The following CATSPERB variants were observed in gnomAD, a reference collection of about 807,000 sequenced individuals.
CATSPERB encodes catsper channel auxiliary subunit beta.
CATSPERB carries 93 observed loss-of-function variants against 128.3 expected under a neutral mutation model. The ratio of observed to expected loss-of-function variants is 0.72; its 90% CI spans 0.61 to 0.86. The LOEUF (loss-of-function observed/expected upper bound fraction) is 0.86. CATSPERB is among the 40% of genes least tolerant of loss of function. The probability of loss-of-function intolerance (pLI) is 0.00; values close to 1 mark genes in which losing one functional copy is unlikely to be tolerated. For missense variants in CATSPERB, 1,153 were observed against 1,329.5 expected, an observed-to-expected ratio of 0.87 and a Z score of 2.06; for synonymous variants, 381 against 448.8, an observed-to-expected ratio of 0.85 and a Z score of 1.91.
At chr14:91,663,077 T>G (rs2139823476) in intron 14 of CATSPERB, among the ~76,000 whole-genome samples, 1 of 152,198 alleles carries the variant, frequency 6.6e-6, no homozygotes, top group Middle Eastern at 3.4e-3. Flanking sequence ...TCCTCCTCCC[T>G]CCTCCACCTC....
rs111933652 is a variant in CATSPERB at position 91,718,710 on chromosome 14, C to T, written c.370+708G>A. On this transcript the variant is annotated intron_variant, in intron 5 of 26. Coordinates refer to ENST00000256343, the MANE Select transcript of CATSPERB (RefSeq NM_024764.4). ...ACAGACAAACAGGGTGAAAGTATTC[C>T]CTCAGTTCTTGATGGTTTTCCATTT... Among the ~76,000 whole-genome samples, 741 of 152,204 alleles carry T rather than the reference C, an allele frequency of 4.9e-3. 7 individuals are homozygous for T. Among genetic ancestry groups the T allele is most frequent in the African/African-American group, 0.017 (700 of 41,520 alleles).
At chr14:91,691,347 A>G (rs374236400) in intron 10 of CATSPERB, among the ~76,000 whole-genome samples, 176 bp downstream of exon 10, 1 of 152,160 alleles carries the variant, frequency 6.6e-6, no homozygotes, top group African/African-American at 2.4e-5. Flanking sequence ...GAATATATGT[A>G]TAAATAATAT....
intron 7 of CATSPERB, among the ~76,000 whole-genome samples, chr14:91,698,117 G>A (rs991691716): frequency 1.3e-5 from 2 of 152,050 alleles, no homozygotes. Context: ...GTATTCCTAG[G>A]GGTGTGTGTG....
At chr14:91,615,533 G>A (rs1046432203) in intron 20 of CATSPERB, among the ~76,000 whole-genome samples, 9 of 152,242 alleles carry the variant, frequency 5.9e-5, no homozygotes, top group Middle Eastern at 6.8e-3. Flanking sequence ...ACATACAACC[G>A]AGGATGTGTG....
At chr14:91,716,328 C>T (rs374006366) in intron 5 of CATSPERB, among the ~76,000 whole-genome samples, 9 of 152,320 alleles carry the variant, frequency 5.9e-5, no homozygotes, top group African/African-American at 1.4e-4. Flanking sequence ...CGGTGGCTCA[C>T]GCCTGTAATC....
intron 4 of CATSPERB, 93 bp from the exon 5 acceptor site, chr14:91,719,571 A>T (rs948508457): frequency 8.5e-6 from 8 of 939,128 alleles, no homozygotes; most frequent in Non-Finnish European, 1.3e-5. Flanking sequence ...GAATTAAACA[A>T]AAACATCCAA....
At chr14:91,693,716 G>C (rs956749804) in intron 7 of CATSPERB, among the ~76,000 whole-genome samples, 1 of 152,106 alleles carries the variant, frequency 6.6e-6, no homozygotes, top group Non-Finnish European at 1.5e-5. Context: ...ACCCTCTTAA[G>C]GTATTGGTTC....
At chr14:91,712,037 C>T (rs949865669) in intron 5 of CATSPERB, among the ~76,000 whole-genome samples, 1 of 152,088 alleles carries the variant, frequency 6.6e-6, no homozygotes, top group African/African-American at 2.4e-5. Flanking sequence ...GAGGAAAACA[C>T]AACATCACAA....
At position 91,590,365 on chromosome 14, in the gene CATSPERB, T is replaced by A. The variant is rs569424065; in HGVS notation, c.2821-696A>T. On this transcript the variant is annotated intron_variant, in intron 23 of 26. Transcript: ENST00000256343. ...GGCCAACATGGTGAAACCCCATCTC[T>A]ACTGAAAATACAAAAATTAGCTGGG... 2.0e-5 allele frequency among the ~76,000 whole-genome samples: 3 copies of A among 152,046 alleles called. No homozygotes were observed. In the East Asian group the frequency reaches 5.9e-4, roughly 30 times the overall value.
In CATSPERB at chr14:91,704,582, G is replaced by A; in HGVS notation, c.586C>T (p.Leu196=). The A allele has an allele frequency of 6.2e-7, 1 of 1,613,744 alleles. No individual in the cohort carries two copies. Among genetic ancestry groups the A allele is most frequent in the Non-Finnish European group, 8.5e-7 (1 of 1,179,796 alleles). Residue 196 remains leucine (L), a synonymous_variant, in exon 7 of 27, where the codon CTA becomes TTA. Coordinates refer to ENST00000256343, the MANE Select transcript of CATSPERB (RefSeq NM_024764.4). ...KCPCANDVAL[L]GFIVDTIVDG... is the part of the protein sequence containing the mutation. ...ACTATTGTATCCACAATGAAGCCTAGTAATGCCACATCATTGGCACAGGGG... is the reference window on the plus strand; with the variant it reads ...ACTATTGTATCCACAATGAAGCCTAATAATGCCACATCATTGGCACAGGGG...
chr14:91,636,256 T>C, intron 17 of CATSPERB, 169 bp downstream of exon 17: 1 of 593,538 alleles, frequency 1.7e-6, no homozygotes, highest in South Asian at 2.6e-5. Context: ...CCAGCTATTC[T>C]GGAGGCTGGG....
Position 91,589,633 on chromosome 14 carries a change from C to A in CATSPERB, c.2857G>T (p.Val953Phe). 6.2e-7 allele frequency: 1 copy of A among 1,613,656 alleles called. No homozygotes were observed. The highest frequency in any genetic ancestry group is 8.5e-7 in the Non-Finnish European group (1 of 1,179,702). ...TCCTCGTTGATAATTTCCAAAGAAA[C>A]TGGATATTGTGTAATTGGAAACTTA... Reference protein sequence around the residue: ...RFKFPITQYPVSLEIINEDGR... With the variant: ...RFKFPITQYPFSLEIINEDGR... Residue 953 changes from valine to phenylalanine, a missense_variant, in exon 24 of 27, where the codon GTT (valine) becomes TTT (phenylalanine). Physicochemically the swap from Val to Phe is conservative, Grantham distance 50. Transcript: ENST00000256343.
intron 26 of CATSPERB, among the ~76,000 whole-genome samples, chr14:91,585,839 T>C (rs1052100717): frequency 1.3e-5 from 2 of 152,220 alleles, no homozygotes; most frequent in Admixed American, 6.5e-5. Flanking sequence ...CTGGACATTT[T>C]TGATGTTATG....
At chr14:91,618,843 C>A (rs1302859488) in intron 19 of CATSPERB, among the ~76,000 whole-genome samples, 1 of 152,174 alleles carries the variant, frequency 6.6e-6, no homozygotes, top group Non-Finnish European at 1.5e-5. Context: ...TGCTTCCTAG[C>A]CTTTACCCGG....
chr14:91,656,733 A>T (rs1021081189), intron 15 of CATSPERB, among the ~76,000 whole-genome samples: 23 of 152,128 alleles, frequency 1.5e-4, no homozygotes, highest in Admixed American at 3.3e-4. Flanking sequence ...GATTTTTTTT[A>T]AAAAGTCCCA....
intron 13 of CATSPERB, among the ~76,000 whole-genome samples, chr14:91,672,058 G>A (rs1283473626): frequency 6.8e-6 from 1 of 146,904 alleles, no homozygotes. Context: ...ACAACAAAAA[G>A]ATGGTACCTA....
intron 25 of CATSPERB, among the ~76,000 whole-genome samples, 158 bp from the exon 26 acceptor site, chr14:91,587,434 A>G (rs551714791): frequency 6.7e-6 from 1 of 149,148 alleles, no homozygotes; most frequent in African/African-American, 2.4e-5. Context: ...TCATGCATCA[A>G]AATAAAAAGA....
chr14:91,585,413 T>C (rs1834656294), intron 26 of CATSPERB, among the ~76,000 whole-genome samples: 1 of 152,234 alleles, frequency 6.6e-6, no homozygotes. Flanking sequence ...ATACTTTTTC[T>C]TCAGGTTGGG....
At chr14:91,670,054 AAG>A in intron 13 of CATSPERB, 82 bp from the exon 14 acceptor site, 2 of 1,209,842 alleles carry the variant, frequency 1.7e-6, no homozygotes, top group Non-Finnish European at 2.4e-6. Context: ...CATTTTGATT[AAG>A]AGAGAGATAC....
Sources: gnomAD v4.1 joint callset for allele counts (sites outside exome capture counted in the v4.1 genomes callset) on GRCh38, gnomAD v4.1.1 for gene constraint, MANE v1.5 for transcripts, NCBI Gene and HGNC (gene_info 2026-07-23, HGNC 2026-07-21) for gene names.